SASH1: variants seen among roughly 807,000 people sequenced by gnomAD.
SASH1 encodes the protein SAM and SH3 domain containing 1.
Under a neutral mutation model 125.2 loss-of-function variants are expected in SASH1, and 44 were observed. The observed-to-expected ratio is 0.35, with a 90% CI of 0.28 to 0.45. The LOEUF is 0.45. Ranked by LOEUF, SASH1 falls within the 20% of genes least tolerant of loss-of-function variation. The pLI, the probability that SASH1 is intolerant of heterozygous loss-of-function variation, is 1.00. For synonymous variants in SASH1, 639 were observed against 649.1 expected (o/e 0.98, Z 0.24); for missense variants, 1,426 against 1,614.5 (o/e 0.88, Z 2.00).
intron 1 of SASH1, among the ~76,000 whole-genome samples, chr6:148,383,920 A>T (rs975617752): frequency 6.6e-6 from 1 of 152,078 alleles, no homozygotes; most frequent in Non-Finnish European, 1.5e-5. Flanking sequence ...CTGTATTTTT[A>T]TGTTGGTTGT....
intron 7 of SASH1, among the ~76,000 whole-genome samples, chr6:148,478,033 A>G (rs1778446820): frequency 6.6e-6 from 1 of 152,172 alleles, no homozygotes; most frequent in Non-Finnish European, 1.5e-5. Flanking sequence ...GCAATAACAA[A>G]TGCTGTTAAG....
chr6:148,399,718 G>A lies in SASH1; in HGVS notation c.285+9456G>A, dbSNP rs796691639. Reference sequence around the variant, plus strand: ...AATGTTGAGGAAATTGACACTAACTGGGGAGAAGAGTTAGGAACTCAGGTA... The same window carrying A: ...AATGTTGAGGAAATTGACACTAACTAGGGAGAAGAGTTAGGAACTCAGGTA... On this transcript the variant is annotated intron_variant, in intron 2 of 19. Coordinates refer to ENST00000367467, the MANE Select transcript of SASH1 (RefSeq NM_015278.5). 5.9e-4 allele frequency among the ~76,000 whole-genome samples: 90 copies of A among 152,248 alleles called. 1 individual carries two copies. Among genetic ancestry groups the A allele is most frequent in the African/African-American group, 2.0e-3 (84 of 41,560 alleles).
chr6:148,221,554 G>A, the SASH1 span, among the ~76,000 whole-genome samples: 9 of 152,274 alleles, frequency 5.9e-5, no homozygotes, highest in Admixed American at 3.3e-4. Context: ...CTCCAGGAAC[G>A]TTTCATTTTG....
intron 1 of SASH1, among the ~76,000 whole-genome samples, chr6:148,357,963 G>A (rs1782010875): frequency 6.7e-6 from 1 of 150,350 alleles, no homozygotes; most frequent in Non-Finnish European, 1.5e-5. Context: ...GGGAGGGTGC[G>A]ACAGGAGAAT....
chr6:148,292,999 T>C (rs1779673258), intron 1 of SASH1, among the ~76,000 whole-genome samples: 1 of 150,260 alleles, frequency 6.7e-6, no homozygotes, highest in Non-Finnish European at 1.5e-5. Context: ...TTGCAATGAG[T>C]CGAGATCGCA....
At chr6:148,209,147 G>A in the SASH1 span, among the ~76,000 whole-genome samples, 3 of 152,212 alleles carry the variant, frequency 2.0e-5, no homozygotes, top group Non-Finnish European at 4.4e-5. Context: ...AGAACTTAAT[G>A]TGCCTTTATA....
intron 1 of SASH1, among the ~76,000 whole-genome samples, chr6:148,284,268 G>A (rs866717830): frequency 7.9e-5 from 12 of 151,990 alleles, no homozygotes; most frequent in African/African-American, 1.2e-4. Context: ...GTGAAACCCC[G>A]TCTCTACTAA....
At chr6:148,321,741 A>G (rs1203397791) in intron 1 of SASH1, among the ~76,000 whole-genome samples, 1 of 152,206 alleles carries the variant, frequency 6.6e-6, no homozygotes, top group Non-Finnish European at 1.5e-5. Flanking sequence ...ACTGAAATCC[A>G]TCGAAGATGG....
At chr6:148,333,904 G>A (rs917503641) in intron 1 of SASH1, among the ~76,000 whole-genome samples, 1 of 151,698 alleles carries the variant, frequency 6.6e-6, no homozygotes, top group Non-Finnish European at 1.5e-5. Context: ...CTCACTGCAA[G>A]CTCTGCCTCT....
chr6:148,201,245 T>A, the SASH1 span, among the ~76,000 whole-genome samples: 4 of 152,232 alleles, frequency 2.6e-5, no homozygotes, highest in Middle Eastern at 3.2e-3. Context: ...TGCTAGAAAC[T>A]GTGCTAGGTA....
chr6:148,400,344 C>T (rs1407752243), intron 2 of SASH1, among the ~76,000 whole-genome samples: 1 of 152,228 alleles, frequency 6.6e-6, no homozygotes, highest in Non-Finnish European at 1.5e-5. Flanking sequence ...TGAGCCTATG[C>T]TGGTGTTGTC....
At chr6:148,353,959 C>CAGG (rs1781833294) in intron 1 of SASH1, among the ~76,000 whole-genome samples, 1 of 152,026 alleles carries the variant, frequency 6.6e-6, no homozygotes, top group South Asian at 2.1e-4. Context: ...TGCTTGAGGC[C>CAGG]AGGAGTTCAA....
At chr6:148,518,712 T>C (rs1780617105) in intron 9 of SASH1, among the ~76,000 whole-genome samples, 1 of 152,180 alleles carries the variant, frequency 6.6e-6, no homozygotes, top group South Asian at 2.1e-4. Context: ...CTACTTCTTT[T>C]CTCACATCTG....
At chr6:148,215,238 T>C in the SASH1 span, among the ~76,000 whole-genome samples, 5 of 152,182 alleles carry the variant, frequency 3.3e-5, no homozygotes, top group Non-Finnish European at 5.9e-5. Context: ...AAACCACCTG[T>C]CTTATTCCAA....
chr6:148,385,605 C>G (rs1028909736), intron 1 of SASH1, among the ~76,000 whole-genome samples: 1 of 152,166 alleles, frequency 6.6e-6, no homozygotes, highest in Non-Finnish European at 1.5e-5. Context: ...TTAGCCCCAC[C>G]TCCCAACCTC....
chr6:148,401,794 G>A (rs916168293), intron 2 of SASH1, among the ~76,000 whole-genome samples: 4 of 151,420 alleles, frequency 2.6e-5, no homozygotes, highest in Non-Finnish European at 5.9e-5. Context: ...GTGGGGGGGT[G>A]TATGTTTTTT....
At chr6:148,540,064 G>A (rs1021301282) in intron 16 of SASH1, among the ~76,000 whole-genome samples, 5 of 152,134 alleles carry the variant, frequency 3.3e-5, no homozygotes, top group South Asian at 2.1e-4. Flanking sequence ...TGAATGGGGC[G>A]TTTATTCTTT....
chr6:148,259,664 A>G, the SASH1 span, among the ~76,000 whole-genome samples: 1 of 152,314 alleles, frequency 6.6e-6, no homozygotes, highest in South Asian at 2.1e-4. Context: ...CATTCATTGC[A>G]TAAATGAAAT....
chr6:148,279,354 G>T lies in SASH1; in HGVS notation n.74+6977G>T, dbSNP rs373091228. Among the ~76,000 whole-genome samples the T allele has an allele frequency of 2.4e-4, 37 of 152,256 alleles. No homozygotes were observed. The East Asian group carries it at 5.4e-3, about 22-fold the overall frequency. On this transcript the variant is annotated intron_variant and non_coding_transcript_variant, in intron 1 of 3. Coordinates refer to the SASH1 transcript ENST00000367469. The stretch of plus-strand genomic sequence containing the variant: ...TGGCTACTTGGCAGGGTTATTGTGA[G>T]GATAACATGAGATTTAATGAATGTA...
Sources: gnomAD v4.1 joint callset for allele counts (sites outside exome capture counted in the v4.1 genomes callset) on GRCh38, gnomAD v4.1.1 for gene constraint, MANE v1.5 for transcripts, NCBI Gene and HGNC (gene_info 2026-07-23, HGNC 2026-07-21) for gene names.